NAV2: variants seen among roughly 807,000 people sequenced by gnomAD.
NAV2 encodes helicase, APC down-regulated 1.
NAV2 carries 54 observed loss-of-function variants against 223.2 expected under a neutral mutation model. That is an observed-to-expected ratio of 0.24 (90% CI 0.19 to 0.30). NAV2 has a LOEUF of 0.30. NAV2 is among the 10% of genes least tolerant of loss of function. The probability of loss-of-function intolerance (pLI) is 1.00; values close to 1 mark genes in which losing one functional copy is unlikely to be tolerated. For missense variants in NAV2, 2,806 were observed against 3,147.5 expected, an observed-to-expected ratio of 0.89 and a Z score of 2.60; for synonymous variants, 1,279 against 1,239.3, an observed-to-expected ratio of 1.03 and a Z score of -0.67.
chr11:19,497,373 C>T (rs530968690), intron 1 of NAV2, among the ~76,000 whole-genome samples: 9 of 152,302 alleles, frequency 5.9e-5, no homozygotes, highest in African/African-American at 2.2e-4. Flanking sequence ...CTCTCTCTCC[C>T]CTTCATCTGG....
intron 1 of NAV2, among the ~76,000 whole-genome samples, chr11:19,507,819 A>C (rs1265954256): frequency 5.3e-5 from 8 of 152,168 alleles, no homozygotes; most frequent in Non-Finnish European, 7.3e-5. Flanking sequence ...CAACCCTATC[A>C]GTGAGTCCAT....
At chr11:19,411,729 A>G (rs1850154035) in intron 1 of NAV2, among the ~76,000 whole-genome samples, 1 of 152,230 alleles carries the variant, frequency 6.6e-6, no homozygotes, top group Admixed American at 6.5e-5. Flanking sequence ...GCCAAGGGCT[A>G]TCTAAATCCA....
In NAV2 at chr11:19,859,773, A is replaced by AC. The variant is rs1361908076; in HGVS notation, c.439-9145dup. Among the ~76,000 whole-genome samples the AC allele has an allele frequency of 1.9e-3, 258 of 134,978 alleles. 4 individuals carry two copies. Among genetic ancestry groups the AC allele is most frequent in the African/African-American group, 5.5e-3 (190 of 34,820 alleles). The allele number at this position is 134,978 out of a possible 152,430, so 88.6% of individuals were successfully genotyped here. A position where few individuals can be genotyped will look rare whatever the true frequency, so the allele number is the denominator to read the frequency against. ...GGGCGGCTGGCCGGGTGGGGGGCTGACCCCCCCACCTCCCTCCCGGACGGG... is the reference window on the plus strand; with the variant it reads ...GGGCGGCTGGCCGGGTGGGGGGCTGACCCCCCCCACCTCCCTCCCGGACGGG... On this transcript the variant is annotated intron_variant, in intron 3 of 37. Coordinates refer to ENST00000349880, the MANE Select transcript of NAV2 (RefSeq NM_145117.5).
intron 34 of NAV2, 62 bp downstream of exon 34, chr11:20,103,786 G>A: frequency 6.8e-7 from 1 of 1,473,960 alleles, no homozygotes; most frequent in Admixed American, 1.7e-5. Context: ...AAGCAAGAAG[G>A]GGCGGGTAGA....
chr11:20,048,693 G>A lies in NAV2; in HGVS notation c.3903-35G>A, dbSNP rs149597213. 5.7e-6 allele frequency: 9 copies of A among 1,580,744 alleles called. No individual in the cohort carries two copies. In the Admixed American group the frequency reaches 1.5e-4, roughly 27 times the overall value. On this transcript the variant is annotated intron_variant, in intron 14 of 37. Transcript: ENST00000349880. The stretch of plus-strand genomic sequence containing the variant: ...ACAGTCCGGTGCCCCTTGGCACTGG[G>A]TGTTCAACCTACACAACCCTTTGTC...
At chr11:20,097,791 G>GTT in intron 31 of NAV2, 46 bp downstream of exon 31, 1 of 1,507,638 alleles carries the variant, frequency 6.6e-7, no homozygotes, top group Non-Finnish European at 8.9e-7. Context: ...GAATTGCAGT[G>GTT]TTTGTTTTGT....
chr11:20,047,811 G>A (rs1356357261), intron 14 of NAV2, among the ~76,000 whole-genome samples: 1 of 152,218 alleles, frequency 6.6e-6, no homozygotes, highest in Non-Finnish European at 1.5e-5. Context: ...CCACCTGCAT[G>A]TCAGAAATAC....
At chr11:19,361,021 C>A (rs1185613432) in intron 1 of NAV2, among the ~76,000 whole-genome samples, 1 of 152,010 alleles carries the variant, frequency 6.6e-6, no homozygotes, top group African/African-American at 2.4e-5. Context: ...ATCTGAGTTT[C>A]AATCCTGGCC....
intron 1 of NAV2, among the ~76,000 whole-genome samples, chr11:19,360,320 A>T (rs571730419): frequency 1.3e-5 from 2 of 152,194 alleles, no homozygotes; most frequent in East Asian, 1.9e-4. Context: ...TCAGTTTAGC[A>T]AGAAGCCCCT....
intron 6 of NAV2, among the ~76,000 whole-genome samples, chr11:19,913,446 C>T (rs1334239537): frequency 1.3e-5 from 2 of 152,168 alleles, no homozygotes; most frequent in African/African-American, 4.8e-5. Context: ...ATCTTCCTGT[C>T]AGCTGGGTTT....
Position 19,987,563 on chromosome 11 carries a change from AC to A in NAV2, c.2768+3318del, listed in dbSNP as rs1188733516. 6.6e-5 allele frequency among the ~76,000 whole-genome samples: 10 copies of A among 152,388 alleles called. No individual in the cohort carries two copies. In the East Asian group the frequency reaches 1.9e-3, roughly 29 times the overall value. ...AAAAGACCTTAAGGGACGCTGGCCT[AC>A]CAGGCAGAACTTGCCTGTTTGCAGC... On this transcript the variant is annotated intron_variant, in intron 11 of 37. Coordinates refer to ENST00000349880, the MANE Select transcript of NAV2 (RefSeq NM_145117.5).
intron 1 of NAV2, among the ~76,000 whole-genome samples, chr11:19,554,532 A>G (rs1338527859): frequency 2.6e-5 from 4 of 152,158 alleles, no homozygotes; most frequent in Admixed American, 2.6e-4. Flanking sequence ...AGGAATGGAA[A>G]CACTGCTGGT....
At chr11:19,887,183 C>G (rs7102028) in intron 5 of NAV2, among the ~76,000 whole-genome samples, 80,708 of 152,024 alleles carry the variant, frequency 0.53, 23,773 homozygotes, top group Non-Finnish European at 0.67. Context: ...CTGCCAGAAC[C>G]CAACACTTTG....
At chr11:19,567,249 A>G (rs2045295358) in intron 1 of NAV2, among the ~76,000 whole-genome samples, 1 of 152,046 alleles carries the variant, frequency 6.6e-6, no homozygotes, top group South Asian at 2.1e-4. Context: ...AAAGAAAGAA[A>G]GGCTGGCCAG....
intron 1 of NAV2, among the ~76,000 whole-genome samples, chr11:19,633,716 A>G (rs181144078): frequency 6.6e-5 from 10 of 152,166 alleles, no homozygotes; most frequent in Non-Finnish European, 1.3e-4. Flanking sequence ...CAGGCCTCCT[A>G]TCTCTGCAGG....
intron 1 of NAV2, among the ~76,000 whole-genome samples, chr11:19,423,921 T>C (rs185192433): frequency 8.5e-5 from 13 of 152,264 alleles, no homozygotes; most frequent in African/African-American, 3.1e-4. Flanking sequence ...CTGAGAATCG[T>C]AGAATAATAG....
intron 10 of NAV2, among the ~76,000 whole-genome samples, chr11:19,951,032 G>A (rs1018926376): frequency 3.9e-5 from 6 of 152,140 alleles, no homozygotes; most frequent in African/African-American, 1.4e-4. Context: ...AATCAAACAA[G>A]GTGGGTCAGA....
intron 10 of NAV2, among the ~76,000 whole-genome samples, chr11:19,956,276 T>A (rs2047854456): frequency 6.6e-6 from 1 of 152,056 alleles, no homozygotes; most frequent in African/African-American, 2.4e-5. Context: ...TATAATTCAA[T>A]TCAATTCGGA....
intron 1 of NAV2, among the ~76,000 whole-genome samples, chr11:19,707,587 T>C (rs1482067825): frequency 2.6e-5 from 4 of 152,214 alleles, no homozygotes. Context: ...GAATACCTCC[T>C]GAAGGACCTG....
Sources: gnomAD v4.1 joint callset for allele counts (sites outside exome capture counted in the v4.1 genomes callset) on GRCh38, gnomAD v4.1.1 for gene constraint, MANE v1.5 for transcripts, NCBI Gene and HGNC (gene_info 2026-07-23, HGNC 2026-07-21) for gene names.